The following SCHIP1 variants were observed in gnomAD, a reference collection of about 807,000 sequenced individuals.
SCHIP1 encodes schwannomin interacting protein 1.
Under a neutral mutation model 29.7 loss-of-function variants are expected in SCHIP1, and 8 were observed. That is an observed-to-expected ratio of 0.27 (90% CI 0.16 to 0.49). The LOEUF (loss-of-function observed/expected upper bound fraction) is 0.49. Among genes scored for constraint, SCHIP1 ranks in the 20% least tolerant of loss-of-function variants. The pLI is 0.99. For missense variants in SCHIP1, 193 were observed against 294.6 expected (o/e 0.66, Z 2.52); for synonymous variants, 76 against 94.9 (o/e 0.80, Z 1.16).
chr3:159,587,505 A>T, the SCHIP1 span, among the ~76,000 whole-genome samples: 1 of 152,190 alleles, frequency 6.6e-6, no homozygotes, highest in African/African-American at 2.4e-5. Flanking sequence ...GTTCTAGGGT[A>T]CACGTGCACA....
the SCHIP1 span, chr3:159,387,045 T>A: frequency 1.2e-5 from 2 of 161,384 alleles, no homozygotes; most frequent in African/African-American, 4.8e-5. Flanking sequence ...AGGGCAGAGA[T>A]GAGGCACACC....
At chr3:159,750,296 T>TATATATATATATACACAC in the SCHIP1 span, among the ~76,000 whole-genome samples, 5 of 132,734 alleles carry the variant, frequency 3.8e-5, no homozygotes, top group African/African-American at 1.2e-4. Flanking sequence ...TATATATATA[T>TATATATATATATACACAC]ACACACACAC....
the SCHIP1 span, among the ~76,000 whole-genome samples, chr3:159,466,822 G>A: frequency 6.6e-6 from 1 of 152,038 alleles, no homozygotes; most frequent in African/African-American, 2.4e-5. Context: ...GGGCCTGAGC[G>A]CATCCTCCTT....
intron 1 of SCHIP1, chr3:159,845,316 G>A (rs1711637472): frequency 6.6e-6 from 1 of 151,090 alleles, no homozygotes; most frequent in African/African-American, 2.4e-5. Flanking sequence ...GTTTTTACTT[G>A]TATTAGAACC....
At chr3:159,752,203 C>T in the SCHIP1 span, among the ~76,000 whole-genome samples, 1 of 152,040 alleles carries the variant, frequency 6.6e-6, no homozygotes, top group Non-Finnish European at 1.5e-5. Context: ...TTCTTTATAG[C>T]GGTGCAAGAA....
chr3:159,461,333 A>C, the SCHIP1 span, among the ~76,000 whole-genome samples: 14 of 152,116 alleles, frequency 9.2e-5, no homozygotes, highest in Admixed American at 2.6e-4. Flanking sequence ...ACCTTCCCCC[A>C]ACATTACCTC....
chr3:159,300,266 C>T, the SCHIP1 span, among the ~76,000 whole-genome samples: 1 of 151,710 alleles, frequency 6.6e-6, no homozygotes, highest in Admixed American at 6.6e-5. Context: ...GATGGGACTA[C>T]AGGCAAGTAC....
chr3:159,527,745 T>C, the SCHIP1 span, among the ~76,000 whole-genome samples: 3 of 152,186 alleles, frequency 2.0e-5, no homozygotes, highest in South Asian at 6.2e-4. Flanking sequence ...AGTTTTTTTG[T>C]TTGCAAATTA....
chr3:159,683,681 G>C, the SCHIP1 span, among the ~76,000 whole-genome samples: 1 of 152,186 alleles, frequency 6.6e-6, no homozygotes, highest in African/African-American at 2.4e-5. Flanking sequence ...GCTCAGCAGA[G>C]CTTTGGAGTT....
the SCHIP1 span, among the ~76,000 whole-genome samples, chr3:159,646,596 A>G: frequency 6.6e-6 from 1 of 152,138 alleles, no homozygotes; most frequent in African/African-American, 2.4e-5. Context: ...GTAAGATAGT[A>G]ATAAGGTAAC....
At chr3:159,548,465 T>C in the SCHIP1 span, among the ~76,000 whole-genome samples, 2 of 151,900 alleles carry the variant, frequency 1.3e-5, no homozygotes, top group African/African-American at 4.8e-5. Context: ...ATATCGGCTC[T>C]CTCTCTCATT....
the SCHIP1 span, among the ~76,000 whole-genome samples, chr3:159,731,556 T>C: frequency 6.6e-6 from 1 of 152,206 alleles, no homozygotes; most frequent in Non-Finnish European, 1.5e-5. Context: ...TCCACTTCAC[T>C]GTTTTCAGGA....
chr3:159,795,896 G>T, the SCHIP1 span, among the ~76,000 whole-genome samples: 6 of 152,300 alleles, frequency 3.9e-5, no homozygotes, highest in East Asian at 1.2e-3. Context: ...CCAGGGTTTT[G>T]CTGCATCAGA....
At chr3:159,592,490 T>C in the SCHIP1 span, among the ~76,000 whole-genome samples, 3 of 152,020 alleles carry the variant, frequency 2.0e-5, no homozygotes, top group African/African-American at 7.2e-5. Flanking sequence ...CTACCATGTG[T>C]CCCCTACCCT....
At chr3:159,361,412 G>T in the SCHIP1 span, among the ~76,000 whole-genome samples, 2 of 152,168 alleles carry the variant, frequency 1.3e-5, no homozygotes, top group African/African-American at 2.4e-5. Flanking sequence ...GAGCAAGAAG[G>T]TCACCTTGGC....
At chr3:159,560,367 T>A in the SCHIP1 span, among the ~76,000 whole-genome samples, 13 of 152,154 alleles carry the variant, frequency 8.5e-5, no homozygotes, top group African/African-American at 3.1e-4. Context: ...CGAGAGTGAA[T>A]CTGACTGCTA....
At chr3:159,755,886 C>T in the SCHIP1 span, among the ~76,000 whole-genome samples, 1 of 152,240 alleles carries the variant, frequency 6.6e-6, no homozygotes, top group Admixed American at 6.5e-5. Context: ...AAAATTATTT[C>T]CTTTGACTCT....
the SCHIP1 span, among the ~76,000 whole-genome samples, chr3:159,453,216 A>G: frequency 6.6e-6 from 1 of 152,144 alleles, no homozygotes; most frequent in African/African-American, 2.4e-5. Flanking sequence ...ATGGCCCTGG[A>G]GTGTAGGCGT....
At chr3:159,760,081 AG>A in the SCHIP1 span, among the ~76,000 whole-genome samples, 9 of 3,692 alleles carry the variant, frequency 2.4e-3, no homozygotes, top group South Asian at 0.011. Flanking sequence ...TTTGTTTTGC[AG>A]GGGGGTGGGG....
Sources: gnomAD v4.1 joint callset for allele counts (sites outside exome capture counted in the v4.1 genomes callset) on GRCh38, gnomAD v4.1.1 for gene constraint, MANE v1.5 for transcripts, NCBI Gene and HGNC (gene_info 2026-07-23, HGNC 2026-07-21) for gene names.